Variants in SLC39A11 observed in about 807,000 individuals in gnomAD.
SLC39A11 encodes zinc transporter ZIP11.
SLC39A11 carries 33 observed loss-of-function variants against 36.1 expected under a neutral mutation model. The ratio of observed to expected loss-of-function variants is 0.91; its 90% CI spans 0.69 to 1.22. SLC39A11 has a LOEUF of 1.22. Ranked by LOEUF, SLC39A11 falls within the 50% of genes most tolerant of loss-of-function variation. The probability of loss-of-function intolerance (pLI) is 0.00; values close to 1 mark genes in which losing one functional copy is unlikely to be tolerated. For missense variants in SLC39A11, 432 were observed against 430.3 expected (o/e 1.00, Z -0.03); for synonymous variants, 166 against 170.3 (o/e 0.97, Z 0.20).
intron 6 of SLC39A11, among the ~76,000 whole-genome samples, chr17:72,785,870 A>C (rs910568223): frequency 1.3e-5 from 2 of 152,220 alleles, no homozygotes; most frequent in African/African-American, 4.8e-5. Flanking sequence ...TTTCACATAC[A>C]GGTATGCAAA....
At chr17:72,972,328 T>C (rs2148058857) in intron 4 of SLC39A11, among the ~76,000 whole-genome samples, 1 of 152,272 alleles carries the variant, frequency 6.6e-6, no homozygotes. Flanking sequence ...GGTAAGGGCA[T>C]TGCAATACAC....
rs901588686 is a variant in SLC39A11, at chr17:72,943,443, T to A, written c.430+4309A>T. ...ACATGGCTTTGATAATTGCATCAGA[T>A]CTGCAAGGCTGTGTAGGCAGAATTC... On this transcript the variant is annotated intron_variant, in intron 5 of 9. Transcript: ENST00000255559. Among the ~76,000 whole-genome samples, 3 of 152,318 alleles carry A rather than the reference T, an allele frequency of 2.0e-5. 1 individual carries two copies. The highest frequency in any genetic ancestry group is 2.0e-4 in the Admixed American group (3 of 15,296).
At chr17:73,088,002 C>A (rs1388669848) in intron 2 of SLC39A11, among the ~76,000 whole-genome samples, 1 of 152,096 alleles carries the variant, frequency 6.6e-6, no homozygotes, top group African/African-American at 2.4e-5. Context: ...TTGCTCCAGG[C>A]CTGAAAGAAA....
At chr17:72,663,483 A>G (rs1182792553) in intron 7 of SLC39A11, among the ~76,000 whole-genome samples, 1 of 152,208 alleles carries the variant, frequency 6.6e-6, no homozygotes, top group Admixed American at 6.5e-5. Flanking sequence ...GACCCCCTCA[A>G]TCCTGGGCTC....
intron 6 of SLC39A11, among the ~76,000 whole-genome samples, chr17:72,839,939 G>A (rs945694990): frequency 6.6e-6 from 1 of 152,166 alleles, no homozygotes; most frequent in African/African-American, 2.4e-5. Context: ...CTTAAAAAAG[G>A]CAAGAATTTC....
chr17:73,023,935 A>C (rs1228583980), intron 4 of SLC39A11, among the ~76,000 whole-genome samples: 1 of 152,244 alleles, frequency 6.6e-6, no homozygotes, highest in African/African-American at 2.4e-5. Context: ...AGCCATCTGC[A>C]AGCCAAGTGG....
intron 3 of SLC39A11, among the ~76,000 whole-genome samples, chr17:73,051,998 T>C (rs575413916): frequency 2.0e-4 from 31 of 152,046 alleles, no homozygotes; most frequent in African/African-American, 7.2e-4. Flanking sequence ...CTCAGTTTTG[T>C]CAGCTGTAAA....
At chr17:72,881,115 G>T in intron 5 of SLC39A11, among the ~76,000 whole-genome samples, 1 of 151,886 alleles carries the variant, frequency 6.6e-6, no homozygotes, top group Non-Finnish European at 1.5e-5. Context: ...TACTTAAAAA[G>T]TTAAAACATA....
intron 7 of SLC39A11, among the ~76,000 whole-genome samples, chr17:72,713,665 C>T (rs2073210092): frequency 1.3e-5 from 2 of 152,164 alleles, no homozygotes; most frequent in Non-Finnish European, 2.9e-5. Context: ...TTCTCAACCC[C>T]TATATCTAAT....
intron 7 of SLC39A11, among the ~76,000 whole-genome samples, chr17:72,695,047 G>C (rs2072225531): frequency 6.6e-6 from 1 of 152,174 alleles, no homozygotes; most frequent in South Asian, 2.1e-4. Flanking sequence ...CTTTCTGCTG[G>C]TATGCAGTTC....
chr17:72,846,940 A>G (rs9905953), intron 6 of SLC39A11, among the ~76,000 whole-genome samples: 57,079 of 151,994 alleles, frequency 0.38, 13,156 homozygotes, highest in Non-Finnish European at 0.5. Context: ...CAGGGCTCCT[A>G]AGTAGTCCTC....
chr17:72,757,684 C>A (rs2075410309), intron 6 of SLC39A11, among the ~76,000 whole-genome samples: 1 of 151,788 alleles, frequency 6.6e-6, no homozygotes, highest in South Asian at 2.1e-4. Flanking sequence ...CTTTTCTTCC[C>A]CTGGTCACTG....
At chr17:72,848,137 A>C (rs1225763435) in intron 6 of SLC39A11, among the ~76,000 whole-genome samples, 1 of 152,224 alleles carries the variant, frequency 6.6e-6, no homozygotes, top group Non-Finnish European at 1.5e-5. Context: ...TTAGCATCTC[A>C]TTTAATTCTC....
intron 4 of SLC39A11, among the ~76,000 whole-genome samples, chr17:72,957,017 G>A (rs909760757): frequency 2.1e-4 from 32 of 152,180 alleles, no homozygotes; most frequent in Non-Finnish European, 3.7e-4. Flanking sequence ...ACATGCACCT[G>A]GCAGCCAGCA....
intron 7 of SLC39A11, among the ~76,000 whole-genome samples, chr17:72,653,404 CT>C (rs141317563): frequency 1.3e-4 from 20 of 148,326 alleles, no homozygotes; most frequent in African/African-American, 4.2e-4. Flanking sequence ...CCACTGCACC[CT>C]TTTTTTTTGT....
chr17:73,033,010 C>G (rs1435869155), intron 3 of SLC39A11, among the ~76,000 whole-genome samples: 1 of 152,244 alleles, frequency 6.6e-6, no homozygotes, highest in Non-Finnish European at 1.5e-5. Flanking sequence ...GGAAGACCAT[C>G]TTTCCACGGA....
intron 4 of SLC39A11, among the ~76,000 whole-genome samples, chr17:72,987,990 T>G (rs1318344343): frequency 6.6e-6 from 1 of 152,138 alleles, no homozygotes; most frequent in Non-Finnish European, 1.5e-5. Context: ...GTCAGCTCTC[T>G]TTTTTATTAT....
At chr17:72,654,201 C>T (rs568656069) in intron 7 of SLC39A11, among the ~76,000 whole-genome samples, 50 of 152,226 alleles carry the variant, frequency 3.3e-4, no homozygotes, top group African/African-American at 1.2e-3. Context: ...CCTAGGCTCC[C>T]CTCTTCTGCT....
At chr17:72,864,377 G>A (rs1278441814) in intron 5 of SLC39A11, among the ~76,000 whole-genome samples, 3 of 150,516 alleles carry the variant, frequency 2.0e-5, no homozygotes, top group Non-Finnish European at 4.4e-5. Context: ...TCCACCCTGT[G>A]AGAAATGCAG....
Sources: gnomAD v4.1 joint callset for allele counts (sites outside exome capture counted in the v4.1 genomes callset) on GRCh38, gnomAD v4.1.1 for gene constraint, MANE v1.5 for transcripts, NCBI Gene and HGNC (gene_info 2026-07-23, HGNC 2026-07-21) for gene names.